PSAP: variants seen among roughly 807,000 people sequenced by gnomAD.
PSAP encodes the protein prosaposin.
PSAP carries 25 observed loss-of-function variants against 66.0 expected under a neutral mutation model. The ratio of observed to expected loss-of-function variants is 0.38; its 90% CI spans 0.28 to 0.53. PSAP has a LOEUF of 0.53. Among genes scored for constraint, PSAP ranks in the 20% least tolerant of loss-of-function variants. The pLI is 0.83. For missense variants in PSAP, 649 were observed against 668.8 expected, an observed-to-expected ratio of 0.97 and a Z score of 0.33; for synonymous variants, 273 against 258.9, an observed-to-expected ratio of 1.05 and a Z score of -0.52.
intron 9 of PSAP, 95 bp downstream of exon 9, chr10:71,820,145 T>G: frequency 8.5e-7 from 1 of 1,181,604 alleles, no homozygotes; most frequent in Non-Finnish European, 1.3e-6. Context: ...ATGTCAAGGC[T>G]GGGCCAAGCC....
At chr10:71,828,734 T>A (rs893392162) in intron 5 of PSAP, 143 bp downstream of exon 5, 1 of 819,908 alleles carries the variant, frequency 1.2e-6, no homozygotes, top group Non-Finnish European at 1.9e-6. Context: ...GTACAACCAT[T>A]TAAAGGCTGG....
At chr10:71,843,056 C>A (rs539899441) in intron 1 of PSAP, among the ~76,000 whole-genome samples, 2 of 152,248 alleles carry the variant, frequency 1.3e-5, no homozygotes, top group East Asian at 3.9e-4. Flanking sequence ...ACAACACACA[C>A]ATCACAACGC....
Position 71,834,379 on chromosome 10 carries a change from G to C in PSAP, c.167C>G (p.Pro56Arg), listed in dbSNP as rs571773332. Residue 56 changes from proline to arginine, a missense_variant, in exon 2 of 14, where the codon CCA becomes CGA. Physicochemically the swap from Pro to Arg is moderately radical, Grantham distance 103. Transcript: ENST00000394936. ...KHCLQTVWNK[P>R]TVKSLPCDIC... is the part of the protein sequence containing the mutation. ...GAGGGCAGCGGCACTCACCACTGTT[G>C]GCTTGTTCCAAACGGTCTGCAGGCA... The C allele has an allele frequency of 1.3e-4, 207 of 1,613,744 alleles. No individual in the cohort carries two copies. The highest frequency in any genetic ancestry group is 1.7e-4 in the Non-Finnish European group (200 of 1,180,036).
At chr10:71,840,893 T>C (rs927779452) in intron 1 of PSAP, among the ~76,000 whole-genome samples, 3 of 152,164 alleles carry the variant, frequency 2.0e-5, no homozygotes, top group African/African-American at 7.2e-5. Context: ...TTGTATGCAA[T>C]GGAGGCTTAA....
intron 1 of PSAP, among the ~76,000 whole-genome samples, chr10:71,845,078 C>T (rs545672754): frequency 6.6e-6 from 1 of 152,284 alleles, no homozygotes; most frequent in Admixed American, 6.5e-5. Context: ...AACTTTATCA[C>T]AGGTATGTAT....
At chr10:71,822,909 T>C (rs1198239342) in intron 7 of PSAP, among the ~76,000 whole-genome samples, 1 of 151,618 alleles carries the variant, frequency 6.6e-6, no homozygotes, top group East Asian at 1.9e-4. Context: ...GTCTGAAAAG[T>C]ATATCCCAAA....
Position 71,816,658 on chromosome 10 carries a change from A to T in PSAP, c.*783T>A. 1 of 354,956 alleles carries T rather than the reference A, an allele frequency of 2.8e-6. No homozygotes were observed. The highest frequency in any genetic ancestry group is 5.7e-6 in the Non-Finnish European group (1 of 175,484). The allele number at this position is 354,956 out of a possible 1,614,324, so 22.0% of individuals were successfully genotyped here. ...CCAGGGACATGTAGGCAACACGAGC[A>T]GGCACAGCGCGGCCACCACTGTCCA... On this transcript the variant is annotated 3_prime_UTR_variant, in exon 14 of 14. Transcript: ENST00000394936.
At chr10:71,851,142 C>T in intron 1 of PSAP, 40 bp downstream of exon 1, 1 of 1,549,112 alleles carries the variant, frequency 6.5e-7, no homozygotes, top group Non-Finnish European at 8.7e-7. Context: ...ATGGACGCTG[C>T]GAGGCACCTC....
At position 71,821,996 on chromosome 10, in the gene PSAP, C is replaced by A. The variant is rs762026767; in HGVS notation, c.789G>T (p.Glu263Asp). The A allele has an allele frequency of 1.9e-6, 3 of 1,614,176 alleles. No individual in the cohort carries two copies. The highest frequency in any genetic ancestry group is 2.5e-6 in the Non-Finnish European group (3 of 1,180,028). The part of the protein sequence containing the change: ...IQMMMHMQPK[E>D]ICALVGFCDE... ...CACAGAACCCAACCAGCGCACAGAT[C>A]TCCTTGGGTTGCTGAAGAGAGCACA... Residue 263 changes from glutamate to aspartate, a missense_variant, in exon 8 of 14, where the codon GAG becomes GAT. By Grantham distance (45) the Glu-to-Asp change is conservative. Transcript: ENST00000394936.
chr10:71,822,644 T>C (rs756572128), intron 7 of PSAP: 15 of 472,114 alleles, frequency 3.2e-5, no homozygotes, highest in East Asian at 6.9e-5. Context: ...GAGCACTAGA[T>C]AGTCTAGACA....
chr10:71,834,533 G>A (rs767914598), intron 1 of PSAP, 28 bp from the exon 2 acceptor site: 8 of 1,611,790 alleles, frequency 5.0e-6, no homozygotes, highest in South Asian at 1.1e-5. Flanking sequence ...GTGAGGAGGT[G>A]GCCCATTTTG....
intron 1 of PSAP, among the ~76,000 whole-genome samples, chr10:71,836,691 AC>A (rs1564823647): frequency 6.6e-6 from 1 of 151,952 alleles, no homozygotes; most frequent in South Asian, 2.1e-4. Context: ...AGTGACCAGC[AC>A]CCCCGATTCT....
At chr10:71,833,695 G>A (rs941708065) in intron 2 of PSAP, among the ~76,000 whole-genome samples, 1 of 152,232 alleles carries the variant, frequency 6.6e-6, no homozygotes, top group Non-Finnish European at 1.5e-5. Flanking sequence ...ATGGTCAGCA[G>A]AGCATCTCCT....
intron 4 of PSAP, 86 bp downstream of exon 4, chr10:71,831,040 T>C: frequency 6.3e-7 from 1 of 1,581,692 alleles, no homozygotes; most frequent in Non-Finnish European, 8.7e-7. Flanking sequence ...GAACAGACTT[T>C]CCATTTTAAT....
intron 7 of PSAP, among the ~76,000 whole-genome samples, chr10:71,822,862 A>G (rs925860603): frequency 6.6e-6 from 1 of 152,208 alleles, no homozygotes; most frequent in Non-Finnish European, 1.5e-5. Flanking sequence ...TCTTGTTTTA[A>G]TATCAAGAAG....
intron 3 of PSAP, 143 bp from the exon 4 acceptor site, chr10:71,831,394 T>G: frequency 1.0e-6 from 1 of 997,962 alleles, no homozygotes; most frequent in Non-Finnish European, 1.5e-6. Context: ...CTTGGCCATG[T>G]TACCTATGGC....
At chr10:71,829,944 T>C (rs1022159527) in intron 4 of PSAP, among the ~76,000 whole-genome samples, 4 of 151,922 alleles carry the variant, frequency 2.6e-5, no homozygotes, top group African/African-American at 7.3e-5. Context: ...GTGCTGTCAG[T>C]CAAGATCGCG....
chr10:71,832,910 G>C (rs1311021887), intron 2 of PSAP, among the ~76,000 whole-genome samples: 2 of 151,652 alleles, frequency 1.3e-5, no homozygotes, highest in Non-Finnish European at 2.9e-5. Flanking sequence ...CCAGCTACTT[G>C]GCAGGCTGAG....
intron 1 of PSAP, among the ~76,000 whole-genome samples, chr10:71,849,525 CG>C (rs202200298): frequency 0.018 from 2,678 of 152,100 alleles, 77 homozygotes; most frequent in African/African-American, 0.06. Flanking sequence ...GGCTTGAACC[CG>C]GAAGGCGGAG....
Sources: allele counts gnomAD v4.1 joint callset (sites outside exome capture counted in the v4.1 genomes callset), GRCh38; gene constraint gnomAD v4.1.1; transcripts MANE v1.5; gene names NCBI Gene and HGNC (gene_info 2026-07-23, HGNC 2026-07-21).